Variants in RFX3 observed in about 807,000 individuals in gnomAD.
RFX3 encodes transcription factor RFX3.
In RFX3, 14 loss-of-function variants were observed where a neutral mutation model predicts 98.6. That is an observed-to-expected ratio of 0.14 (90% CI 0.09 to 0.22). The LOEUF (loss-of-function observed/expected upper bound fraction) is 0.22, where lower values mean the gene tolerates loss of function less well. Among genes scored for constraint, RFX3 ranks in the 10% least tolerant of loss-of-function variants. RFX3 has a pLI of 1.00. For synonymous variants in RFX3, 383 were observed against 328.4 expected (o/e 1.17, Z -1.80); for missense variants, 639 against 926.9 (o/e 0.69, Z 4.03).
At chr9:3,416,324 A>G (rs1264227645) in intron 1 of RFX3, among the ~76,000 whole-genome samples, 2 of 152,198 alleles carry the variant, frequency 1.3e-5, no homozygotes, top group Admixed American at 1.3e-4. Flanking sequence ...CCAAGATCAC[A>G]TATCTAGCAA....
chr9:3,294,403 C>T (rs912135671), intron 5 of RFX3, among the ~76,000 whole-genome samples: 1 of 152,026 alleles, frequency 6.6e-6, no homozygotes. Flanking sequence ...CCAAAGAATT[C>T]ATTTATTGAG....
chr9:3,396,175 G>GCTAT (rs1368565948), intron 1 of RFX3, among the ~76,000 whole-genome samples: 1 of 151,832 alleles, frequency 6.6e-6, no homozygotes, highest in African/African-American at 2.4e-5. Flanking sequence ...ATCTCCTAAT[G>GCTAT]CTATGCCTCC....
intron 11 of RFX3, 22 bp downstream of exon 11, chr9:3,270,349 T>C (rs1460492939): frequency 4.4e-6 from 7 of 1,604,626 alleles, no homozygotes; most frequent in Non-Finnish European, 5.1e-6. Context: ...AAAGCATCCG[T>C]ACTCGTCTGC....
In RFX3 at chr9:3,340,784, A is replaced by G. The variant is rs182640113; in HGVS notation, c.215+5883T>C. Among the ~76,000 whole-genome samples, 356 of 152,280 alleles carry G rather than the reference A, an allele frequency of 2.3e-3. 2 individuals carry two copies. Among genetic ancestry groups the G allele is most frequent in the African/African-American group, 8.0e-3 (333 of 41,582 alleles). On this transcript the variant is annotated intron_variant, in intron 3 of 16. Coordinates refer to ENST00000617270, the MANE Select transcript of RFX3 (RefSeq NM_001282116.2). ...TGCTGGAGAGGATGTGGAGAAATAG[A>G]AACACTTTTACTCTGTTGGTGAGAC...
chr9:3,358,720 G>A (rs1203448675), intron 2 of RFX3, among the ~76,000 whole-genome samples: 1 of 151,852 alleles, frequency 6.6e-6, no homozygotes, highest in Non-Finnish European at 1.5e-5. Context: ...CCTGAGACTG[G>A]GTAATTTATA....
At chr9:3,395,645 G>T in intron 1 of RFX3, 49 bp from the exon 2 acceptor site, 1 of 1,592,170 alleles carries the variant, frequency 6.3e-7, no homozygotes, top group South Asian at 1.1e-5. Context: ...ACTCCTGCAT[G>T]ACTAGCTTCC....
chr9:3,404,187 G>A (rs1013904717), intron 1 of RFX3, among the ~76,000 whole-genome samples: 1 of 151,978 alleles, frequency 6.6e-6, no homozygotes, highest in African/African-American at 2.4e-5. Context: ...GGGTGTAGGT[G>A]GACCTCAAAA....
chr9:3,484,857 A>AC (rs1401273482), intron 1 of RFX3, among the ~76,000 whole-genome samples: 10 of 151,998 alleles, frequency 6.6e-5, no homozygotes, highest in Non-Finnish European at 1.3e-4. Context: ...GCCAAAAAGG[A>AC]AGGCTCACTT....
intron 1 of RFX3, among the ~76,000 whole-genome samples, chr9:3,493,292 CCT>C (rs1483662514): frequency 6.6e-6 from 1 of 152,046 alleles, no homozygotes; most frequent in African/African-American, 2.4e-5. Flanking sequence ...GAGAGGTTCC[CCT>C]GACTTCTGAT....
intron 1 of RFX3, among the ~76,000 whole-genome samples, chr9:3,484,859 G>A (rs1290861431): frequency 2.0e-5 from 3 of 151,994 alleles, no homozygotes; most frequent in African/African-American, 7.2e-5. Context: ...CAAAAAGGAA[G>A]GCTCACTTGA....
intron 2 of RFX3, among the ~76,000 whole-genome samples, chr9:3,362,105 G>T (rs1047267176): frequency 6.6e-6 from 1 of 152,144 alleles, no homozygotes; most frequent in East Asian, 1.9e-4. Flanking sequence ...GCATGGTTAA[G>T]GGGGTTGGAA....
intron 3 of RFX3, among the ~76,000 whole-genome samples, chr9:3,333,044 C>T (rs1333746274): frequency 6.6e-6 from 1 of 152,276 alleles, no homozygotes; most frequent in East Asian, 1.9e-4. Flanking sequence ...TTGTTAATTT[C>T]CTCAAGTCTT....
At chr9:3,392,620 T>A (rs1226417287) in intron 2 of RFX3, among the ~76,000 whole-genome samples, 1 of 151,990 alleles carries the variant, frequency 6.6e-6, no homozygotes, top group Non-Finnish European at 1.5e-5. Flanking sequence ...CAGACTGAAA[T>A]GGCCCATGAA....
chr9:3,493,393 A>G (rs1226982541), intron 1 of RFX3, among the ~76,000 whole-genome samples: 2 of 152,060 alleles, frequency 1.3e-5, no homozygotes, highest in African/African-American at 4.8e-5. Flanking sequence ...TTTTTAAAAA[A>G]TATACACTGG....
At chr9:3,399,321 G>A (rs1238794890) in intron 1 of RFX3, among the ~76,000 whole-genome samples, 4 of 150,948 alleles carry the variant, frequency 2.6e-5, no homozygotes, top group Non-Finnish European at 4.4e-5. Context: ...GTGGGCACCT[G>A]TAATCCCAGC....
chr9:3,292,829 T>C (rs371882960), intron 6 of RFX3, among the ~76,000 whole-genome samples: 5 of 152,174 alleles, frequency 3.3e-5, no homozygotes, highest in South Asian at 4.1e-4. Context: ...CTAATTTCTA[T>C]GTAGTTTGAG....
chr9:3,484,754 T>G (rs1186958763), intron 1 of RFX3, among the ~76,000 whole-genome samples: 1 of 152,176 alleles, frequency 6.6e-6, no homozygotes, highest in Non-Finnish European at 1.5e-5. Context: ...AAGTTTTTGT[T>G]GCCTACCACA....
intron 2 of RFX3, among the ~76,000 whole-genome samples, chr9:3,390,212 G>C (rs371488874): frequency 8.5e-5 from 13 of 152,232 alleles, no homozygotes; most frequent in African/African-American, 3.1e-4. Context: ...CCTGTGGTAG[G>C]TGATTGAATC....
At chr9:3,496,881 G>A (rs190866196) in intron 1 of RFX3, among the ~76,000 whole-genome samples, 23 of 152,094 alleles carry the variant, frequency 1.5e-4, no homozygotes, top group Non-Finnish European at 3.2e-4. Flanking sequence ...TGTGTATGTG[G>A]AACTGGCATA....
Sources: gnomAD v4.1 joint callset for allele counts (sites outside exome capture counted in the v4.1 genomes callset) on GRCh38, gnomAD v4.1.1 for gene constraint, MANE v1.5 for transcripts, NCBI Gene and HGNC (gene_info 2026-07-23, HGNC 2026-07-21) for gene names.